The following TEC variants were observed in gnomAD, a reference collection of about 807,000 sequenced individuals.
TEC encodes the protein tyrosine-protein kinase Tec.
Under a neutral mutation model 93.0 loss-of-function variants are expected in TEC, and 72 were observed. The ratio of observed to expected loss-of-function variants is 0.77; its 90% CI spans 0.64 to 0.94. TEC has a LOEUF of 0.94. Ranked by LOEUF, TEC falls within the 40% of genes least tolerant of loss-of-function variation. TEC has a pLI of 0.00. For synonymous variants in TEC, 249 were observed against 247.7 expected (o/e 1.01, Z -0.05); for missense variants, 630 against 757.9 (o/e 0.83, Z 1.98).
At chr4:48,151,200 G>C (rs936581196) in intron 9 of TEC, among the ~76,000 whole-genome samples, 4 of 152,146 alleles carry the variant, frequency 2.6e-5, no homozygotes, top group African/African-American at 9.7e-5. Context: ...CTCATGAATG[G>C]TGAGACATTT....
chr4:48,248,286 T>C (rs1724111768), intron 1 of TEC, among the ~76,000 whole-genome samples: 1 of 152,194 alleles, frequency 6.6e-6, no homozygotes, highest in Admixed American at 6.5e-5. Context: ...CCTGGATATC[T>C]AGGGTGGCCT....
intron 2 of TEC, among the ~76,000 whole-genome samples, chr4:48,187,128 T>C (rs1721907275): frequency 6.6e-6 from 1 of 152,220 alleles, no homozygotes; most frequent in African/African-American, 2.4e-5. Flanking sequence ...TCTATAACCT[T>C]ACCCCCAACC....
At chr4:48,170,626 A>C (rs1269745247) in intron 4 of TEC, among the ~76,000 whole-genome samples, 1 of 152,234 alleles carries the variant, frequency 6.6e-6, no homozygotes, top group Non-Finnish European at 1.5e-5. Flanking sequence ...TGCAAAAGTC[A>C]ACCTGCCACC....
intron 2 of TEC, among the ~76,000 whole-genome samples, chr4:48,222,092 G>T (rs2109628075): frequency 6.6e-6 from 1 of 152,292 alleles, no homozygotes; most frequent in African/African-American, 2.4e-5. Context: ...TGTCAGAAAA[G>T]ATGAGTAAGT....
chr4:48,238,817 C>G (rs1723856095), intron 1 of TEC, among the ~76,000 whole-genome samples: 1 of 151,700 alleles, frequency 6.6e-6, no homozygotes, highest in African/African-American at 2.4e-5. Context: ...TGTACTCCTT[C>G]CAGGCCATTT....
At chr4:48,228,789 A>G in intron 1 of TEC, 130 bp from the exon 2 acceptor site, 1 of 660,670 alleles carries the variant, frequency 1.5e-6, no homozygotes, top group Admixed American at 3.8e-5. Context: ...CTGTGCCCAA[A>G]CTGAGAATGC....
At chr4:48,221,139 TGAGG>T (rs1486198839) in intron 2 of TEC, among the ~76,000 whole-genome samples, 1 of 152,180 alleles carries the variant, frequency 6.6e-6, no homozygotes, top group African/African-American at 2.4e-5. Flanking sequence ...ATACACAGGG[TGAGG>T]TCCAGAAGGG....
chr4:48,210,104 A>C (rs1722849451), intron 2 of TEC, among the ~76,000 whole-genome samples: 1 of 152,358 alleles, frequency 6.6e-6, no homozygotes, highest in African/African-American at 2.4e-5. Context: ...GCCCTTCCAG[A>C]GGCCTTAGGA....
chr4:48,267,966 C>A (rs1324170834), intron 1 of TEC, among the ~76,000 whole-genome samples: 1 of 152,118 alleles, frequency 6.6e-6, no homozygotes, highest in Non-Finnish European at 1.5e-5. Flanking sequence ...CTCTGGATAC[C>A]CGGAGAAAGG....
At chr4:48,221,457 G>T (rs1418971694) in intron 2 of TEC, among the ~76,000 whole-genome samples, 1 of 152,184 alleles carries the variant, frequency 6.6e-6, no homozygotes, top group Non-Finnish European at 1.5e-5. Flanking sequence ...CTTCCGCCAG[G>T]ATTGTAAGTT....
intron 2 of TEC, among the ~76,000 whole-genome samples, chr4:48,193,803 C>A (rs1290069944): frequency 6.7e-6 from 1 of 149,284 alleles, no homozygotes; most frequent in African/African-American, 2.5e-5. Flanking sequence ...TACTTTATAT[C>A]TTTATGAAAG....
At chr4:48,147,640 A>AT (rs1344241680) in intron 11 of TEC, among the ~76,000 whole-genome samples, 1 of 152,186 alleles carries the variant, frequency 6.6e-6, no homozygotes, top group African/African-American at 2.4e-5. Flanking sequence ...TGGTAAGATA[A>AT]TCCCCCTATA....
chr4:48,231,973 T>G (rs916358064), intron 1 of TEC, among the ~76,000 whole-genome samples: 1 of 151,992 alleles, frequency 6.6e-6, no homozygotes, highest in African/African-American at 2.4e-5. Flanking sequence ...AACATTCATG[T>G]TGAATGTCCT....
intron 3 of TEC, among the ~76,000 whole-genome samples, chr4:48,173,556 T>C (rs1466990): frequency 0.38 from 57,622 of 152,082 alleles, 11,942 homozygotes; most frequent in East Asian, 0.9. Flanking sequence ...TTGTGCTGAG[T>C]CATCCTACCA....
In TEC at chr4:48,149,419, T is replaced by C. The variant is rs572166151; in HGVS notation, c.1006+138A>G. The C allele has an allele frequency of 7.2e-4, 601 of 838,874 alleles. 4 individuals are homozygous for C. In the African/African-American group the frequency reaches 9.9e-3, roughly 14 times the overall value. The allele number at this position is 838,874 out of a possible 1,614,324, so 52.0% of individuals were successfully genotyped here. ...ATTTTCTTTGTATATATCATTCCTT[T>C]AATATGCAGTAATTTAAAATCAACC... is the stretch of plus-strand genomic sequence containing the variant. On this transcript the variant is annotated intron_variant, in intron 11 of 17. Coordinates refer to ENST00000381501, the MANE Select transcript of TEC (RefSeq NM_003215.3).
Position 48,176,169 on chromosome 4 carries a change from C to T in TEC, c.156G>A (p.Gly52=). Residue 52 remains glycine, a synonymous_variant, in exon 3 of 18, where the codon GGG becomes GGA. Coordinates refer to ENST00000381501, the MANE Select transcript of TEC (RefSeq NM_003215.3). ...ACTTGATTTTTGAAACATCAATAAA[C>T]CCCTTTCTGTATTTCTTCTGTTAAA... The part of the protein sequence containing the change: ...EGRAEKKYRK[G]FIDVSKIKCV... The T allele has an allele frequency of 6.2e-7, 1 of 1,611,978 alleles. No homozygotes were observed. The highest frequency in any genetic ancestry group is 8.5e-7 in the Non-Finnish European group (1 of 1,178,442).
intron 2 of TEC, among the ~76,000 whole-genome samples, chr4:48,186,605 G>A (rs547121108): frequency 5.9e-5 from 9 of 151,966 alleles, no homozygotes; most frequent in Admixed American, 4.6e-4. Context: ...GAAGTGAGGA[G>A]CCCCTCTGCC....
intron 2 of TEC, among the ~76,000 whole-genome samples, chr4:48,178,533 T>A (rs961892050): frequency 2.6e-5 from 4 of 152,112 alleles, no homozygotes; most frequent in African/African-American, 9.7e-5. Flanking sequence ...TGAGACAAGT[T>A]ATGTACATTA....
intron 1 of TEC, among the ~76,000 whole-genome samples, chr4:48,237,129 G>A (rs1211835538): frequency 2.6e-5 from 4 of 152,084 alleles, no homozygotes; most frequent in Non-Finnish European, 4.4e-5. Flanking sequence ...CCAGGAGTTC[G>A]AGACCAGCCT....
Sources: gnomAD v4.1 joint callset for allele counts (sites outside exome capture counted in the v4.1 genomes callset) on GRCh38, gnomAD v4.1.1 for gene constraint, MANE v1.5 for transcripts, NCBI Gene and HGNC (gene_info 2026-07-23, HGNC 2026-07-21) for gene names.